The following BICRA variants were observed in gnomAD, a reference collection of about 807,000 sequenced individuals.
BICRA encodes the protein BRD4-interacting chromatin-remodeling complex-associated protein.
A neutral mutation model predicts 96.9 loss-of-function variants in BICRA; 31 were observed. That is an observed-to-expected ratio of 0.32 (90% CI 0.24 to 0.43). The LOEUF (loss-of-function observed/expected upper bound fraction) is 0.43. BICRA is among the 20% of genes least tolerant of loss of function. The pLI, the probability that BICRA is intolerant of heterozygous loss-of-function variation, is 1.00. For missense variants in BICRA, 2,283 were observed against 2,190.3 expected (o/e 1.04, Z -0.84); for synonymous variants, 1,350 against 1,071.8 (o/e 1.26, Z -5.07).
At chr19:47,655,386 G>A (rs1972599621) in intron 1 of BICRA, among the ~76,000 whole-genome samples, 2 of 151,328 alleles carry the variant, frequency 1.3e-5, no homozygotes, top group African/African-American at 4.9e-5. Context: ...TTAGCCGGGC[G>A]TGGTGGTGCA....
chr19:47,626,732 T>TTC (rs1972146550), intron 1 of BICRA, among the ~76,000 whole-genome samples: 1 of 145,906 alleles, frequency 6.9e-6, no homozygotes, highest in African/African-American at 2.5e-5. Flanking sequence ...TTTTTTTTTT[T>TTC]TTTTTCTGAG....
intron 6 of BICRA, 55 bp from the exon 7 acceptor site, chr19:47,681,921 A>C: frequency 8.2e-7 from 1 of 1,215,740 alleles, no homozygotes; most frequent in South Asian, 1.4e-5. Flanking sequence ...TCGGGTGGGG[A>C]GGTCGAGGGC....
chr19:47,676,020 G>A, intron 5 of BICRA, 104 bp downstream of exon 5: 4 of 683,876 alleles, frequency 5.8e-6, no homozygotes, highest in Non-Finnish European at 1.0e-5. Flanking sequence ...CGTGAGGGCT[G>A]TTGACAGGAG....
chr19:47,617,127 C>T (rs1203788663), intron 1 of BICRA, among the ~76,000 whole-genome samples: 1 of 151,816 alleles, frequency 6.6e-6, no homozygotes, highest in African/African-American at 2.4e-5. Flanking sequence ...CATACCAGGC[C>T]TATTATTTTT....
chr19:47,669,674 T>C (rs1275034841), intron 1 of BICRA, among the ~76,000 whole-genome samples: 2 of 152,170 alleles, frequency 1.3e-5, no homozygotes, highest in African/African-American at 4.8e-5. Flanking sequence ...TTTATTTTTT[T>C]GAGATGGAGT....
At position 47,680,424 on chromosome 19, in the gene BICRA, G is replaced by T; in HGVS notation, c.1254G>T (p.Ala418=). ...TGCTGTCGGGCTTCCCCGCGCCTGC[G>T]CTGCAAGCGAACGTCTTCAAGCAGC... ...NVVLSGFPAP[A]LQANVFKQPP... is the part of the protein sequence containing the mutation. The change falls in exon 6 of 15, where the codon GCG becomes GCT. Residue 418 remains alanine, a synonymous_variant. Transcript: ENST00000594866. The T allele has an allele frequency of 1.3e-6, 2 of 1,536,726 alleles. No homozygotes were observed. The highest frequency in any genetic ancestry group is 1.2e-5 in the South Asian group (1 of 83,970).
rs755129353 is a variant in BICRA at position 47,675,809 on chromosome 19, C to T, written c.85-42C>T. The T allele has an allele frequency of 2.6e-6, 4 of 1,524,370 alleles. No individual in the cohort carries two copies. Among genetic ancestry groups the T allele is most frequent in the Non-Finnish European group, 2.7e-6 (3 of 1,106,278 alleles). The allele number at this position is 1,524,370 out of a possible 1,614,324, so 94.4% of individuals were successfully genotyped here. A position where few individuals can be genotyped will look rare whatever the true frequency, so the allele number is the denominator to read the frequency against. On this transcript the variant is annotated intron_variant, in intron 4 of 14. Transcript: ENST00000594866. The surrounding 1 kb of genome is among the most constrained non-coding windows in gnomAD (Gnocchi z 4.7). ...TTTCTGCTCCAGAGCATGGGCCTGC[C>T]CTGCTGACTTTTGACCTTGGATGGG...
At chr19:47,628,996 G>A (rs541333193) in intron 1 of BICRA, among the ~76,000 whole-genome samples, 52 of 151,720 alleles carry the variant, frequency 3.4e-4, no homozygotes, top group Non-Finnish European at 6.2e-4. Context: ...TTGCCCAACT[G>A]AAACTTTATT....
Position 47,675,219 on chromosome 19 carries a change from G to A in BICRA, c.85-632G>A, listed in dbSNP as rs1379770340. 4.6e-5 allele frequency among the ~76,000 whole-genome samples: 7 copies of A among 152,196 alleles called. No homozygotes were observed. Among genetic ancestry groups the A allele is most frequent in the African/African-American group, 1.7e-4 (7 of 41,452 alleles). On this transcript the variant is annotated intron_variant, in intron 4 of 14. Transcript: ENST00000594866. The surrounding 1 kb of genome is among the most constrained non-coding windows in gnomAD (Gnocchi z 4.7). The stretch of plus-strand genomic sequence containing the variant: ...ATTTGGGGAAGATTCCAGAAGTCCA[G>A]GTGGTGCTGGTGGATGTACAAGTTG...
chr19:47,700,588 G>T (rs1443513636), intron 14 of BICRA: 2 of 152,186 alleles, frequency 1.3e-5, no homozygotes, highest in Non-Finnish European at 2.9e-5. Flanking sequence ...GTGGTCAGGA[G>T]TGTGAGACCA....
chr19:47,657,376 T>C (rs1972634550), intron 1 of BICRA, among the ~76,000 whole-genome samples: 1 of 152,068 alleles, frequency 6.6e-6, no homozygotes, highest in South Asian at 2.1e-4. Context: ...GTTAGGGGCT[T>C]TTATGAATAA....
At chr19:47,635,920 A>G (rs892505766) in intron 1 of BICRA, among the ~76,000 whole-genome samples, 1 of 152,160 alleles carries the variant, frequency 6.6e-6, no homozygotes, top group Non-Finnish European at 1.5e-5. Flanking sequence ...TAAAAATCCA[A>G]AATGCCCCAA....
In BICRA at chr19:47,701,130, AG is replaced by A. The variant is rs1379785234; in HGVS notation, c.3596-196del. ...CCCACGTGGCTCGTGGCGCTGTGCC[AG>A]GCACAGTGGTTTTAGAGTTGGGGGA... On this transcript the variant is annotated intron_variant, in intron 14 of 14. Coordinates refer to ENST00000594866, the MANE Select transcript of BICRA (RefSeq NM_001394372.1). The surrounding 1 kb of genome is among the most constrained non-coding windows in gnomAD (Gnocchi z 5.4). The A allele has an allele frequency of 1.7e-6, 1 of 593,070 alleles. No individual in the cohort carries two copies. The highest frequency in any genetic ancestry group is 3.1e-5 in the Admixed American group (1 of 32,110). The allele number at this position is 593,070 out of a possible 1,614,324, so 36.7% of individuals were successfully genotyped here.
intron 1 of BICRA, among the ~76,000 whole-genome samples, chr19:47,649,509 C>T (rs1036866847): frequency 2.0e-5 from 3 of 152,212 alleles, no homozygotes; most frequent in Non-Finnish European, 2.9e-5. Flanking sequence ...CTTCCCCACT[C>T]ACCTGCCACT....
At chr19:47,616,834 A>T (rs1004421752) in intron 1 of BICRA, among the ~76,000 whole-genome samples, 4 of 146,546 alleles carry the variant, frequency 2.7e-5, no homozygotes, top group Non-Finnish European at 6.0e-5. Context: ...ATTTTTATTA[A>T]TTTTTTTTTT....
At chr19:47,697,449 A>T (rs949156705) in intron 11 of BICRA, among the ~76,000 whole-genome samples, 1 of 151,382 alleles carries the variant, frequency 6.6e-6, no homozygotes, top group African/African-American at 2.4e-5. Context: ...AGGTCTTACT[A>T]TGTTGCCCAG....
chr19:47,635,231 C>T (rs1382496656), intron 1 of BICRA, among the ~76,000 whole-genome samples: 3 of 150,958 alleles, frequency 2.0e-5, no homozygotes, highest in African/African-American at 7.3e-5. Flanking sequence ...ACAATCATCA[C>T]TACTGTCCAT....
Position 47,702,105 on chromosome 19 carries a change from G to A in BICRA, c.4373G>A (p.Gly1458Asp), listed in dbSNP as rs1218775508. 5.3e-6 allele frequency: 8 copies of A among 1,523,224 alleles called. No individual in the cohort carries two copies. The highest frequency in any genetic ancestry group is 4.2e-5 in the African/African-American group (3 of 70,594). 94.4% of individuals were successfully genotyped at this position (1,523,224 alleles called of 1,614,324 possible). The change falls in exon 15 of 15, where the codon GGC becomes GAC. Residue 1458 changes from glycine (G) to aspartate (D), a missense_variant. Coordinates refer to ENST00000594866, the MANE Select transcript of BICRA (RefSeq NM_001394372.1). Reference sequence around the variant, plus strand: ...GAGCCCGCAGCCAGCGCCGCCCAAGGCACCGGGGACCCCGACTGGGAGGCG... The same window carrying A: ...GAGCCCGCAGCCAGCGCCGCCCAAGACACCGGGGACCCCGACTGGGAGGCG... Reference protein sequence around the residue: ...PPEPAASAAQGTGDPDWEAPG... With the variant: ...PPEPAASAAQDTGDPDWEAPG...
intron 1 of BICRA, among the ~76,000 whole-genome samples, chr19:47,625,433 C>G (rs956738416): frequency 6.6e-6 from 1 of 151,996 alleles, no homozygotes; most frequent in Non-Finnish European, 1.5e-5. Context: ...GCTCCCTCCT[C>G]GGGGAAGCCC....
Sources: gnomAD v4.1 joint callset for allele counts (sites outside exome capture counted in the v4.1 genomes callset) on GRCh38, gnomAD v4.1.1 for gene constraint, Gnocchi (gnomAD v3.1) non-coding constraint, MANE v1.5 for transcripts, NCBI Gene and HGNC (gene_info 2026-07-23, HGNC 2026-07-21) for gene names.